ZNF10: variants seen among roughly 807,000 people sequenced by gnomAD.
ZNF10 encodes the protein zinc finger protein 10 (KOX 1).
ZNF10 carries 8 observed loss-of-function variants against 12.2 expected under a neutral mutation model. The ratio of observed to expected loss-of-function variants is 0.66; its 90% confidence interval spans 0.39 to 1.18. The LOEUF (loss-of-function observed/expected upper bound fraction) is 1.18. ZNF10 is among the 50% of genes most tolerant of loss of function. The pLI is 0.01. For synonymous variants in ZNF10, 229 were observed against 228.2 expected (o/e 1.00, Z -0.03); for missense variants, 603 against 678.9 (o/e 0.89, Z 1.24).
chr12:133,156,320 T>C lies in ZNF10; in HGVS notation c.1074T>C (p.Phe358=), dbSNP rs1412704887. The change falls in exon 5 of 5, where the codon TTT becomes TTC. Residue 358 remains phenylalanine (F), a synonymous_variant. Transcript: ENST00000248211. The part of the protein sequence containing the change: ...LYTCNQCGKS[F]VHSSRLIRHQ... ...CATGTAATCAGTGTGGGAAATCTTT[T>C]GTTCATAGCTCTAGGCTTATTAGAC... 1.9e-6 allele frequency: 3 copies of C among 1,614,102 alleles called. No homozygotes were observed. The highest frequency in any genetic ancestry group is 2.2e-5 in the East Asian group (1 of 44,868).
At chr12:133,133,700 A>G (rs1019401946) in intron 1 of ZNF10, among the ~76,000 whole-genome samples, 1 of 152,142 alleles carries the variant, frequency 6.6e-6, no homozygotes, top group African/African-American at 2.4e-5. Context: ...AAGGGTCCAG[A>G]ACGTTGTTGT....
intron 1 of ZNF10, among the ~76,000 whole-genome samples, chr12:133,141,645 G>A (rs1454307699): frequency 2.6e-5 from 4 of 151,988 alleles, no homozygotes; most frequent in African/African-American, 9.7e-5. Flanking sequence ...AAAATGAAAT[G>A]CAGAGAGAAA....
At chr12:133,139,329 A>G (rs576083297) in intron 1 of ZNF10, 1 of 152,392 alleles carries the variant, frequency 6.6e-6, no homozygotes, top group South Asian at 2.1e-4. Context: ...GGAAGAACAT[A>G]TCTGGCTTAG....
chr12:133,134,981 C>T (rs954741508), intron 1 of ZNF10, among the ~76,000 whole-genome samples: 4 of 152,154 alleles, frequency 2.6e-5, no homozygotes, highest in South Asian at 4.1e-4. Context: ...CAGATTTCCC[C>T]AGCCACATTT....
At chr12:133,153,648 T>G (rs1956021503) in intron 4 of ZNF10, among the ~76,000 whole-genome samples, 1 of 151,436 alleles carries the variant, frequency 6.6e-6, no homozygotes, top group Non-Finnish European at 1.5e-5. Flanking sequence ...CTGGTCGGGG[T>G]GGGATTGTAT....
chr12:133,155,925 C>G lies in ZNF10; in HGVS notation c.679C>G (p.Gln227Glu). Residue 227 changes from glutamine to glutamate, a missense_variant, in exon 5 of 5, where the codon CAG (glutamine) becomes GAG (glutamate). Around this residue, in one of 3 missense-constraint regions of ZNF10, gnomAD observed 393 missense variants for 399.7 expected, o/e 0.98. Transcript: ENST00000248211. Reference protein sequence around the residue: ...QTFCQNIHLIQFARTHTGDKS... With the variant: ...QTFCQNIHLIEFARTHTGDKS... ...TTTCTGTCAAAACATTCACCTTATT[C>G]AGTTTGCAAGAACTCACACAGGTGA... The G allele has an allele frequency of 6.2e-7, 1 of 1,614,062 alleles. No homozygotes were observed. Among genetic ancestry groups the G allele is most frequent in the South Asian group, 1.1e-5 (1 of 91,072 alleles).
intron 2 of ZNF10, chr12:133,144,905 C>T (rs567614944): frequency 2.4e-5 from 11 of 451,010 alleles, no homozygotes; most frequent in East Asian, 7.1e-5. Context: ...GTTGTTTAGA[C>T]GGAGTCTTGC....
rs151284547 is a variant in ZNF10, at chr12:133,140,109, G to A, written c.-59-4325G>A. The stretch of plus-strand genomic sequence containing the variant: ...TCCCAGATACTCAGGAGGCTGAGGC[G>A]GGAGGATCACTTGAGCCCAGGAGGT... On this transcript the variant is annotated intron_variant, in intron 1 of 4. Coordinates refer to ENST00000248211, the MANE Select transcript of ZNF10 (RefSeq NM_015394.5). 1.3e-3 allele frequency among the ~76,000 whole-genome samples: 200 copies of A among 151,270 alleles called. 1 individual carries two copies. The highest frequency in any genetic ancestry group is 4.5e-3 in the African/African-American group (185 of 41,222).
intron 1 of ZNF10, among the ~76,000 whole-genome samples, chr12:133,132,619 C>CA (rs1191216523): frequency 2.8e-4 from 43 of 152,300 alleles, no homozygotes; most frequent in African/African-American, 1.0e-3. Flanking sequence ...CTCTTTCTAG[C>CA]ATGTCTCATG....
At chr12:133,144,046 C>T (rs1955961355) in intron 1 of ZNF10, 1 of 153,238 alleles carries the variant, frequency 6.5e-6, no homozygotes, top group Admixed American at 6.5e-5. Flanking sequence ...TCTTGGGCTT[C>T]TATCTCTGAC....
intron 1 of ZNF10, among the ~76,000 whole-genome samples, chr12:133,142,301 G>A (rs1955949710): frequency 6.6e-6 from 1 of 151,126 alleles, no homozygotes; most frequent in South Asian, 2.1e-4. Flanking sequence ...TGTAGTCCCA[G>A]CTACAGGCTG....
At chr12:133,141,900 C>T (rs900498705) in intron 1 of ZNF10, among the ~76,000 whole-genome samples, 3 of 151,936 alleles carry the variant, frequency 2.0e-5, no homozygotes, top group South Asian at 4.1e-4. Context: ...AATCAGATTA[C>T]TCAAATCAAT....
At chr12:133,146,472 C>T (rs1955976980) in intron 2 of ZNF10, among the ~76,000 whole-genome samples, 1 of 152,062 alleles carries the variant, frequency 6.6e-6, no homozygotes, top group South Asian at 2.1e-4. Context: ...TTTTTACATA[C>T]AGTAACGTTT....
intron 3 of ZNF10, among the ~76,000 whole-genome samples, chr12:133,151,433 C>G (rs997559345): frequency 6.6e-6 from 1 of 152,088 alleles, no homozygotes; most frequent in Non-Finnish European, 1.5e-5. Context: ...ATCACAAGGT[C>G]AAGAGATTGA....
intron 1 of ZNF10, among the ~76,000 whole-genome samples, chr12:133,131,867 A>G (rs1285273091): frequency 2.0e-5 from 3 of 152,206 alleles, no homozygotes; most frequent in Non-Finnish European, 4.4e-5. Flanking sequence ...AGTATTTTAT[A>G]TAAGCACTGT....
intron 1 of ZNF10, among the ~76,000 whole-genome samples, chr12:133,140,027 G>T (rs1335695998): frequency 1.3e-5 from 2 of 151,680 alleles, no homozygotes; most frequent in Non-Finnish European, 2.9e-5. Flanking sequence ...AACATAGTGA[G>T]ACCCTGTCTC....
At chr12:133,131,334 A>ATTTGAATTACAAT (rs61266479) in intron 1 of ZNF10, among the ~76,000 whole-genome samples, 1 of 151,660 alleles carries the variant, frequency 6.6e-6, no homozygotes, top group Non-Finnish European at 1.5e-5. Flanking sequence ...TTGACACTAG[A>ATTTGAATTACAAT]TATATATACG....
Position 133,156,229 on chromosome 12 carries a change from A to T in ZNF10, c.983A>T (p.Lys328Ile). 1.2e-6 allele frequency: 2 copies of T among 1,614,130 alleles called. No individual in the cohort carries two copies. The highest frequency in any genetic ancestry group is 1.7e-6 in the Non-Finnish European group (2 of 1,180,016). ...EEPYECKECG[K>I]SFSWFSHLVT... Reference sequence around the variant, plus strand: ...CCCTATGAATGTAAAGAATGTGGAAAATCCTTCAGCTGGTTCTCTCACCTT... The same window carrying T: ...CCCTATGAATGTAAAGAATGTGGAATATCCTTCAGCTGGTTCTCTCACCTT... Residue 328 changes from lysine (K) to isoleucine (I), a missense_variant, in exon 5 of 5, where the codon AAA becomes ATA. Around this residue, in one of 3 missense-constraint regions of ZNF10, gnomAD observed 393 missense variants for 399.7 expected, o/e 0.98. Transcript: ENST00000248211.
intron 1 of ZNF10, among the ~76,000 whole-genome samples, chr12:133,134,144 C>CAAAAAAAA (rs35470467): frequency 1.5e-5 from 1 of 68,064 alleles, no homozygotes; most frequent in African/African-American, 4.1e-5. Context: ...ACTAAAAATA[C>CAAAAAAAA]AAAAAAAAAA....
Sources: allele counts gnomAD v4.1 joint callset (sites outside exome capture counted in the v4.1 genomes callset), GRCh38; gene constraint gnomAD v4.1.1; regional missense constraint gnomAD v4.1.1; transcripts MANE v1.5; gene names NCBI Gene and HGNC (gene_info 2026-07-23, HGNC 2026-07-21).